Variants in NR3C2 observed in about 807,000 individuals in gnomAD.
NR3C2 encodes nuclear receptor subfamily 3 group C member 2.
NR3C2 carries 15 observed loss-of-function variants against 86.4 expected under a neutral mutation model. That is an observed-to-expected ratio of 0.17 (90% confidence interval 0.12 to 0.27). The LOEUF (loss-of-function observed/expected upper bound fraction) is 0.27. Among genes scored for constraint, NR3C2 ranks in the 10% least tolerant of loss-of-function variants. NR3C2 has a pLI of 1.00. For synonymous variants in NR3C2, 458 were observed against 450.5 expected, an observed-to-expected ratio of 1.02 and a Z score of -0.21; for missense variants, 960 against 1,195.6, an observed-to-expected ratio of 0.80 and a Z score of 2.91.
At chr4:148,364,423 G>A (rs999086804) in intron 2 of NR3C2, among the ~76,000 whole-genome samples, 10 of 152,268 alleles carry the variant, frequency 6.6e-5, no homozygotes, top group Middle Eastern at 3.4e-3. Flanking sequence ...TTGCTTCCAT[G>A]AATGGTAATG....
At chr4:148,186,010 T>C (rs1000560232) in intron 4 of NR3C2, among the ~76,000 whole-genome samples, 1 of 152,210 alleles carries the variant, frequency 6.6e-6, no homozygotes, top group Non-Finnish European at 1.5e-5. Context: ...CCAAGGCATG[T>C]GCCTTTTAAC....
intron 8 of NR3C2, among the ~76,000 whole-genome samples, chr4:148,087,785 A>G (rs572611055): frequency 1.3e-5 from 2 of 152,306 alleles, no homozygotes; most frequent in African/African-American, 2.4e-5. Context: ...TAGCCAGCCA[A>G]TACCATTCAG....
At chr4:148,237,122 A>T (rs1173475958) in intron 3 of NR3C2, among the ~76,000 whole-genome samples, 1 of 152,238 alleles carries the variant, frequency 6.6e-6, no homozygotes, top group Middle Eastern at 3.2e-3. Context: ...TTAGCAAAAC[A>T]GATTACAATT....
At chr4:148,204,498 T>C (rs1258244886) in intron 3 of NR3C2, among the ~76,000 whole-genome samples, 1 of 152,210 alleles carries the variant, frequency 6.6e-6, no homozygotes, top group Admixed American at 6.5e-5. Context: ...TCCTATGAGA[T>C]TGGTCATATT....
intron 3 of NR3C2, among the ~76,000 whole-genome samples, chr4:148,198,149 CT>C (rs534930703): frequency 1.6e-3 from 248 of 151,954 alleles, no homozygotes; most frequent in Non-Finnish European, 2.9e-3. Flanking sequence ...GCAAAAATGC[CT>C]TATGGACTTA....
intron 4 of NR3C2, among the ~76,000 whole-genome samples, chr4:148,177,081 G>A (rs147874568): frequency 1.3e-5 from 2 of 152,210 alleles, no homozygotes; most frequent in African/African-American, 4.8e-5. Context: ...TACTAACTCG[G>A]CTTTTAAGAA....
At chr4:148,319,701 T>C (rs1469359650) in intron 2 of NR3C2, among the ~76,000 whole-genome samples, 1 of 151,122 alleles carries the variant, frequency 6.6e-6, no homozygotes, top group Non-Finnish European at 1.5e-5. Flanking sequence ...TGTATAAGAA[T>C]GCTTGTGATT....
chr4:148,189,255 G>A (rs766301149), intron 4 of NR3C2, among the ~76,000 whole-genome samples: 3 of 152,082 alleles, frequency 2.0e-5, no homozygotes, highest in Admixed American at 6.6e-5. Context: ...AAGCGATGCT[G>A]GATTTTGTCT....
At chr4:148,134,641 CTCTTTT>C (rs1424827062) in intron 6 of NR3C2, among the ~76,000 whole-genome samples, 7 of 60,998 alleles carry the variant, frequency 1.1e-4, no homozygotes, top group Non-Finnish European at 1.7e-4. Context: ...CTCTCTCTCT[CTCTTTT>C]TTTTTTTTTT....
chr4:148,148,946 A>C (rs955098954), intron 6 of NR3C2, among the ~76,000 whole-genome samples: 1 of 152,222 alleles, frequency 6.6e-6, no homozygotes, highest in Admixed American at 6.5e-5. Flanking sequence ...ATGCATATGC[A>C]TTTGGCCATC....
At position 148,333,170 on chromosome 4, in the gene NR3C2, C is replaced by T. The variant is rs914131967; in HGVS notation, c.1758-73053G>A. Among the ~76,000 whole-genome samples, 8 of 152,052 alleles carry T rather than the reference C, an allele frequency of 5.3e-5. No individual in the cohort carries two copies. In the East Asian group the frequency reaches 1.4e-3, roughly 26 times the overall value. ...CCTGTGGTCCCAGCTACTCACGAGG[C>T]TAAGGTGGGAAAACTGCTTGAACCC... On this transcript the variant is annotated intron_variant, in intron 2 of 8. Coordinates refer to ENST00000358102, the MANE Select transcript of NR3C2 (RefSeq NM_000901.5).
At chr4:148,120,096 C>T in intron 7 of NR3C2, 62 bp downstream of exon 7, 1 of 1,605,158 alleles carries the variant, frequency 6.2e-7, no homozygotes, top group South Asian at 1.1e-5. Context: ...AAATAGCCTA[C>T]TGCCCTATGG....
At chr4:148,409,297 A>G (rs1296343297) in intron 2 of NR3C2, among the ~76,000 whole-genome samples, 1 of 152,170 alleles carries the variant, frequency 6.6e-6, no homozygotes, top group Non-Finnish European at 1.5e-5. Context: ...ATATTGAGAT[A>G]AAATCTTACG....
chr4:148,368,586 C>A (rs1675704135), intron 2 of NR3C2: 1 of 151,962 alleles, frequency 6.6e-6, no homozygotes, highest in Non-Finnish European at 1.5e-5. Flanking sequence ...CTTCCCTGGC[C>A]CTAGCTATTG....
intron 3 of NR3C2, among the ~76,000 whole-genome samples, chr4:148,250,775 T>C (rs1357787791): frequency 6.6e-6 from 1 of 152,156 alleles, no homozygotes; most frequent in Non-Finnish European, 1.5e-5. Flanking sequence ...ACCCCACTCA[T>C]CTGCCCTATT....
intron 4 of NR3C2, among the ~76,000 whole-genome samples, chr4:148,177,671 G>A (rs1210553032): frequency 6.6e-6 from 1 of 152,208 alleles, no homozygotes; most frequent in Non-Finnish European, 1.5e-5. Context: ...GATGACACCA[G>A]TCAATTCTCA....
chr4:148,426,489 T>C (rs911411328), intron 2 of NR3C2, among the ~76,000 whole-genome samples: 2 of 152,212 alleles, frequency 1.3e-5, no homozygotes, highest in Non-Finnish European at 2.9e-5. Flanking sequence ...TCCATGCCCA[T>C]AGTGGGTCAG....
intron 4 of NR3C2, among the ~76,000 whole-genome samples, chr4:148,185,299 T>C (rs1407558724): frequency 1.3e-5 from 2 of 152,212 alleles, no homozygotes; most frequent in Non-Finnish European, 1.5e-5. Flanking sequence ...GCATGCCCCC[T>C]TAGCCAGTGT....
intron 3 of NR3C2, among the ~76,000 whole-genome samples, chr4:148,246,092 A>G (rs1361089083): frequency 2.2e-5 from 2 of 91,854 alleles, no homozygotes; most frequent in African/African-American, 4.8e-5. Flanking sequence ...GTCAGATGCT[A>G]TAACAACAAC....
Sources: allele counts gnomAD v4.1 joint callset (sites outside exome capture counted in the v4.1 genomes callset), GRCh38; gene constraint gnomAD v4.1.1; transcripts MANE v1.5; gene names NCBI Gene and HGNC (gene_info 2026-07-23, HGNC 2026-07-21).